LRRC4C: variants seen among roughly 807,000 people sequenced by gnomAD.
LRRC4C encodes the protein leucine rich repeat containing 4C, also known as leucine-rich repeat-containing protein 4C.
A neutral mutation model predicts 33.6 loss-of-function variants in LRRC4C; 5 were observed. The observed-to-expected ratio is 0.15, with a 90% confidence interval of 0.08 to 0.31. LRRC4C has a LOEUF of 0.31. Ranked by LOEUF, LRRC4C falls within the 10% of genes least tolerant of loss-of-function variation. The pLI is 1.00. For synonymous variants in LRRC4C, 329 were observed against 302.0 expected, an observed-to-expected ratio of 1.09 and a Z score of -0.93; for missense variants, 560 against 796.7, an observed-to-expected ratio of 0.70 and a Z score of 3.58.
At chr11:40,369,491 A>G (rs796287004) in intron 3 of LRRC4C, among the ~76,000 whole-genome samples, 4 of 152,228 alleles carry the variant, frequency 2.6e-5, no homozygotes, top group African/African-American at 9.6e-5. Context: ...GGCATGCACC[A>G]CCATGCCCAG....
At chr11:40,644,867 G>GGTTATAGT (rs553656575) in intron 3 of LRRC4C, among the ~76,000 whole-genome samples, 184 of 152,006 alleles carry the variant, frequency 1.2e-3, no homozygotes, top group Non-Finnish European at 4.0e-4. Flanking sequence ...TCAATACTCT[G>GGTTATAGT]GTTATAGTAT....
chr11:40,847,612 CTTTG>C (rs1278717786), intron 2 of LRRC4C, among the ~76,000 whole-genome samples: 1 of 151,860 alleles, frequency 6.6e-6, no homozygotes, highest in Non-Finnish European at 1.5e-5. Context: ...AATTTTCTTT[CTTTG>C]TTGTGTCTCT....
At chr11:41,137,531 T>G (rs12285634) in intron 1 of LRRC4C, among the ~76,000 whole-genome samples, 108,790 of 151,988 alleles carry the variant, frequency 0.72, 39,812 homozygotes, top group Middle Eastern at 0.82. Flanking sequence ...TCTTAGAATA[T>G]TCTCTTGGGC....
chr11:41,008,586 A>G (rs1854938026), intron 1 of LRRC4C, among the ~76,000 whole-genome samples: 1 of 152,064 alleles, frequency 6.6e-6, no homozygotes, highest in Non-Finnish European at 1.5e-5. Flanking sequence ...CATGTTTCCA[A>G]AGAGTCTTTT....
At chr11:40,489,649 A>G (rs1463582414) in intron 3 of LRRC4C, among the ~76,000 whole-genome samples, 1 of 152,176 alleles carries the variant, frequency 6.6e-6, no homozygotes, top group Non-Finnish European at 1.5e-5. Flanking sequence ...TCCTAGAAAC[A>G]ATTGAAAGCT....
At chr11:40,194,230 G>C (rs1484419761) in intron 5 of LRRC4C, among the ~76,000 whole-genome samples, 1 of 152,188 alleles carries the variant, frequency 6.6e-6, no homozygotes, top group Admixed American at 6.5e-5. Flanking sequence ...TCCACAAAGG[G>C]AAGCCCATCA....
In LRRC4C at chr11:41,210,465, C is replaced by A. The variant is rs577812436; in HGVS notation, c.-496+248966G>T. Among the ~76,000 whole-genome samples the A allele has an allele frequency of 1.2e-3, 184 of 152,210 alleles. 1 individual carries two copies. The highest frequency in any genetic ancestry group is 4.3e-3 in the African/African-American group (178 of 41,530). On this transcript the variant is annotated intron_variant, in intron 1 of 6. Transcript: ENST00000528697. ...TTTCTCTTTCTGCCATGATTGTGAG[C>A]CCTCCCCAGCCACACTGAACTGTGA...
rs536238687 is a variant in LRRC4C, at chr11:40,581,236, C to A, written c.-270+66906G>T. ...ATAGAAGCTCCAGTGAAAACCATAA[C>A]TCAGTACAACGCTGTGGTAATTTAT... On this transcript the variant is annotated intron_variant, in intron 3 of 6. Transcript: ENST00000528697. 5.2e-4 allele frequency among the ~76,000 whole-genome samples: 79 copies of A among 152,332 alleles called. 1 individual carries two copies. In the South Asian group the frequency reaches 0.016, roughly 31 times the overall value.
chr11:40,442,893 G>A (rs1344642444), intron 3 of LRRC4C, among the ~76,000 whole-genome samples: 1 of 152,144 alleles, frequency 6.6e-6, no homozygotes, highest in Non-Finnish European at 1.5e-5. Flanking sequence ...TGTACTTTAT[G>A]TCTAAAACTC....
At chr11:41,445,477 A>T (rs988040193) in intron 1 of LRRC4C, among the ~76,000 whole-genome samples, 2 of 152,102 alleles carry the variant, frequency 1.3e-5, no homozygotes, top group Non-Finnish European at 2.9e-5. Flanking sequence ...TCACTGGGAG[A>T]CAAAAGGAGT....
chr11:40,178,230 C>T (rs929096436), intron 5 of LRRC4C, among the ~76,000 whole-genome samples: 7 of 152,170 alleles, frequency 4.6e-5, no homozygotes, highest in Non-Finnish European at 7.3e-5. Flanking sequence ...AAGGCATATC[C>T]GTTCACTTGG....
intron 1 of LRRC4C, among the ~76,000 whole-genome samples, chr11:41,057,398 G>T (rs113102706): frequency 2.0e-5 from 3 of 152,164 alleles, no homozygotes; most frequent in Non-Finnish European, 4.4e-5. Flanking sequence ...GATACCTCTC[G>T]ACACCTATAG....
chr11:40,854,206 G>A lies in LRRC4C; in HGVS notation c.-407+79429C>T, dbSNP rs182305154. Among the ~76,000 whole-genome samples, 430 of 152,158 alleles carry A rather than the reference G, an allele frequency of 2.8e-3. 17 individuals are homozygous for A. The highest frequency in any genetic ancestry group is 0.028 in the Admixed American group (428 of 15,280). On this transcript the variant is annotated intron_variant, in intron 2 of 6. Coordinates refer to ENST00000528697, the MANE Select transcript of LRRC4C (RefSeq NM_001258419.2). ...GCATTTTGAAATCACTCCCACCATG[G>A]TTTAACCTCAGTTTATTGACAAGGC...
At chr11:41,340,935 A>C (rs554429021) in intron 1 of LRRC4C, among the ~76,000 whole-genome samples, 1 of 152,208 alleles carries the variant, frequency 6.6e-6, no homozygotes, top group Non-Finnish European at 1.5e-5. Flanking sequence ...AAGAAAGGCA[A>C]TCTAGTAACT....
At chr11:40,521,867 C>CA (rs1283204733) in intron 3 of LRRC4C, among the ~76,000 whole-genome samples, 18 of 149,332 alleles carry the variant, frequency 1.2e-4, no homozygotes, top group South Asian at 4.2e-4. Flanking sequence ...GACACCGTCT[C>CA]AAAAAAATAA....
At chr11:41,366,195 T>TAGAC (rs201335008) in intron 1 of LRRC4C, among the ~76,000 whole-genome samples, 357 of 127,414 alleles carry the variant, frequency 2.8e-3, no homozygotes, top group African/African-American at 8.8e-3. Flanking sequence ...GATAGATAGA[T>TAGAC]AGACAGATAG....
intron 1 of LRRC4C, chr11:41,394,650 A>C (rs1280694833): frequency 1.3e-5 from 2 of 152,000 alleles, no homozygotes; most frequent in East Asian, 3.9e-4. Flanking sequence ...ACTTAACAAG[A>C]GTGCTGGGTC....
At chr11:40,150,975 C>T (rs1000866817) in intron 5 of LRRC4C, among the ~76,000 whole-genome samples, 1 of 152,138 alleles carries the variant, frequency 6.6e-6, no homozygotes, top group African/African-American at 2.4e-5. Flanking sequence ...ACCAGTGCAA[C>T]TACCTAAATG....
chr11:41,296,768 T>C (rs2137048103), intron 1 of LRRC4C, among the ~76,000 whole-genome samples: 1 of 152,322 alleles, frequency 6.6e-6, no homozygotes, highest in Non-Finnish European at 1.5e-5. Context: ...ACACGACTAC[T>C]GTCTCAATCT....
Sources: gnomAD v4.1 joint callset for allele counts (sites outside exome capture counted in the v4.1 genomes callset) on GRCh38, gnomAD v4.1.1 for gene constraint, MANE v1.5 for transcripts, NCBI Gene and HGNC (gene_info 2026-07-23, HGNC 2026-07-21) for gene names.